The following PDE4D variants were observed in gnomAD, a reference collection of about 807,000 sequenced individuals.
PDE4D encodes 3',5'-cyclic-AMP phosphodiesterase 4D.
Under a neutral mutation model 87.4 loss-of-function variants are expected in PDE4D, and 24 were observed. The observed-to-expected ratio is 0.27, with a 90% CI of 0.20 to 0.39. The LOEUF (loss-of-function observed/expected upper bound fraction) is 0.39, where lower values mean the gene tolerates loss of function less well. PDE4D is among the 10% of genes least tolerant of loss of function. The pLI is 1.00. For synonymous variants in PDE4D, 384 were observed against 383.2 expected (o/e 1.00, Z -0.02); for missense variants, 714 against 1,041.0 (o/e 0.69, Z 4.32).
At chr5:60,495,073 G>A (rs904775245) in intron 1 of PDE4D, among the ~76,000 whole-genome samples, 2 of 152,102 alleles carry the variant, frequency 1.3e-5, no homozygotes, top group African/African-American at 2.4e-5. Context: ...ACTAAGCAAG[G>A]AAAGAGTTCT....
intron 1 of PDE4D, among the ~76,000 whole-genome samples, chr5:60,208,778 T>C (rs1485190519): frequency 1.3e-5 from 2 of 152,190 alleles, no homozygotes; most frequent in African/African-American, 4.8e-5. Context: ...AGTCTATCTG[T>C]GGACTAGCAA....
At position 59,275,838 on chromosome 5, in the gene PDE4D, G is replaced by A. The variant is rs1158659549; in HGVS notation, c.456-59870C>T. 3.0e-6 allele frequency: 3 copies of A among 985,980 alleles called. No homozygotes were observed. In the African/African-American group the frequency reaches 5.2e-5, roughly 17 times the overall value. 61.1% of individuals were successfully genotyped at this position (985,980 alleles called of 1,614,324 possible). A position where few individuals can be genotyped will look rare whatever the true frequency, so the allele number is the denominator to read the frequency against. On this transcript the variant is annotated intron_variant, in intron 1 of 14. Coordinates refer to ENST00000340635, the MANE Select transcript of PDE4D (RefSeq NM_001104631.2). ...GAGAGAAAAAGAAAATGACCGGGAGGTACTGTAACACGGGAGAGCTGTCAA... is the reference window on the plus strand; with the variant it reads ...GAGAGAAAAAGAAAATGACCGGGAGATACTGTAACACGGGAGAGCTGTCAA...
At chr5:59,967,240 T>C (rs1760146514) in intron 3 of PDE4D, among the ~76,000 whole-genome samples, 1 of 152,174 alleles carries the variant, frequency 6.6e-6, no homozygotes, top group South Asian at 2.1e-4. Context: ...CATTCAAATA[T>C]TTTAGAAAGA....
chr5:59,101,775 A>C (rs1286046480), intron 5 of PDE4D, among the ~76,000 whole-genome samples: 5 of 152,098 alleles, frequency 3.3e-5, no homozygotes, highest in African/African-American at 1.2e-4. Context: ...ATTCCAAAGG[A>C]AAGATCTGGC....
intron 3 of PDE4D, among the ~76,000 whole-genome samples, chr5:59,190,415 G>C (rs1372989502): frequency 6.6e-6 from 1 of 151,882 alleles, no homozygotes; most frequent in Non-Finnish European, 1.5e-5. Context: ...TTTTTCACTG[G>C]AATTTAGTGT....
intron 2 of PDE4D, among the ~76,000 whole-genome samples, chr5:60,105,926 A>T (rs1367464604): frequency 6.6e-6 from 1 of 152,240 alleles, no homozygotes; most frequent in African/African-American, 2.4e-5. Context: ...AAGACCATCG[A>T]TGCTAGGAAG....
At chr5:59,865,515 T>C (rs1336346523) in intron 1 of PDE4D, among the ~76,000 whole-genome samples, 1 of 152,154 alleles carries the variant, frequency 6.6e-6, no homozygotes, top group African/African-American at 2.4e-5. Context: ...ATGTGTAGCC[T>C]AGGTTCTTCC....
chr5:59,421,870 T>A (rs1485547187), intron 1 of PDE4D, among the ~76,000 whole-genome samples: 1 of 152,032 alleles, frequency 6.6e-6, no homozygotes, highest in Non-Finnish European at 1.5e-5. Flanking sequence ...TGAAAAAAAA[T>A]GAATTTTACA....
chr5:59,628,136 A>G (rs925787321), intron 1 of PDE4D, among the ~76,000 whole-genome samples: 5 of 152,352 alleles, frequency 3.3e-5, no homozygotes, highest in Admixed American at 2.0e-4. Context: ...ACCCCTTTAC[A>G]GCTTTTCAAA....
intron 1 of PDE4D, among the ~76,000 whole-genome samples, chr5:59,809,664 C>A (rs192469457): frequency 4.6e-5 from 7 of 152,278 alleles, no homozygotes; most frequent in Admixed American, 4.6e-4. Flanking sequence ...GCAGGCGGAG[C>A]TCAAGTTGGA....
intron 2 of PDE4D, among the ~76,000 whole-genome samples, chr5:60,000,771 T>G (rs1010218871): frequency 6.6e-6 from 1 of 152,204 alleles, no homozygotes; most frequent in Non-Finnish European, 1.5e-5. Flanking sequence ...ATATGTGACA[T>G]TGATAACATA....
intron 1 of PDE4D, among the ~76,000 whole-genome samples, chr5:59,690,713 A>T (rs1750761331): frequency 6.6e-6 from 1 of 152,376 alleles, no homozygotes; most frequent in Non-Finnish European, 1.5e-5. Context: ...GCCAAAATTG[A>T]CAAATGAGAT....
At chr5:59,475,654 G>C (rs1487726841) in intron 1 of PDE4D, among the ~76,000 whole-genome samples, 5 of 151,974 alleles carry the variant, frequency 3.3e-5, no homozygotes, top group African/African-American at 1.2e-4. Context: ...GTCCATTCTT[G>C]TCTCCCAGTA....
chr5:59,661,956 G>T (rs1277899696), intron 1 of PDE4D, among the ~76,000 whole-genome samples: 1 of 152,178 alleles, frequency 6.6e-6, no homozygotes, highest in African/African-American at 2.4e-5. Context: ...TGAATGTTCA[G>T]GCGTTCTGGG....
At chr5:59,976,354 G>A (rs1042409564) in intron 3 of PDE4D, among the ~76,000 whole-genome samples, 3 of 152,146 alleles carry the variant, frequency 2.0e-5, no homozygotes, top group South Asian at 2.1e-4. Flanking sequence ...GGCCTAGTGG[G>A]AGATGCTTGG....
chr5:60,159,758 G>A (rs947692276), intron 2 of PDE4D, among the ~76,000 whole-genome samples: 2 of 152,114 alleles, frequency 1.3e-5, no homozygotes, highest in Non-Finnish European at 2.9e-5. Context: ...GAGCAAAGCT[G>A]CCCAAATTTG....
intron 1 of PDE4D, among the ~76,000 whole-genome samples, chr5:60,202,127 T>C (rs1472355788): frequency 6.6e-6 from 1 of 152,214 alleles, no homozygotes; most frequent in African/African-American, 2.4e-5. Context: ...TGCCAGATGC[T>C]TTTCTAAGTG....
chr5:59,171,274 T>C (rs1782724541), intron 5 of PDE4D, among the ~76,000 whole-genome samples: 1 of 152,122 alleles, frequency 6.6e-6, no homozygotes, highest in Admixed American at 6.5e-5. Context: ...TGTGAACCCA[T>C]TCCCTCATCT....
chr5:59,565,196 T>C (rs1820675349), intron 1 of PDE4D, among the ~76,000 whole-genome samples: 1 of 152,000 alleles, frequency 6.6e-6, no homozygotes, highest in Non-Finnish European at 1.5e-5. Flanking sequence ...ATGGGACAGG[T>C]GGTGAGACTG....
Sources: gnomAD v4.1 joint callset for allele counts (sites outside exome capture counted in the v4.1 genomes callset) on GRCh38, gnomAD v4.1.1 for gene constraint, MANE v1.5 for transcripts, NCBI Gene and HGNC (gene_info 2026-07-23, HGNC 2026-07-21) for gene names.